The following ETV6 variants were observed in gnomAD, a reference collection of about 807,000 sequenced individuals.
ETV6 encodes transcription factor ETV6.
ETV6 carries 16 observed loss-of-function variants against 51.1 expected under a neutral mutation model. That is an observed-to-expected ratio of 0.31 (90% CI 0.21 to 0.48). The LOEUF (loss-of-function observed/expected upper bound fraction) is 0.48. Ranked by LOEUF, ETV6 falls within the 20% of genes least tolerant of loss-of-function variation. The probability of loss-of-function intolerance (pLI) is 0.99; values close to 1 mark genes in which losing one functional copy is unlikely to be tolerated. For synonymous variants in ETV6, 240 were observed against 224.1 expected (o/e 1.07, Z -0.64); for missense variants, 458 against 594.8 (o/e 0.77, Z 2.39).
At position 11,853,534 on chromosome 12, in the gene ETV6, G is replaced by A. The variant is rs2136491182; in HGVS notation, c.436G>A (p.Val146Ile). The A allele has an allele frequency of 6.2e-7, 1 of 1,614,218 alleles. No homozygotes were observed. The highest frequency in any genetic ancestry group is 8.5e-7 in the Non-Finnish European group (1 of 1,180,044). ...PGNSIHTQPE[V>I]ILHQNHEEDN... The stretch of plus-strand genomic sequence containing the variant: ...AAACTCTATACACACACAGCCGGAG[G>A]TCATACTGCATCAGAACCATGAAGA... Residue 146 changes from valine (V) to isoleucine (I), a missense_variant, in exon 4 of 8, where the codon GTC becomes ATC. Around this residue, in one of 4 missense-constraint regions of ETV6, gnomAD observed 293 missense variants for 315.7 expected, o/e 0.93. Coordinates refer to ENST00000396373, the MANE Select transcript of ETV6 (RefSeq NM_001987.5).
At chr12:11,879,743 A>C (rs1353599621) in intron 5 of ETV6, among the ~76,000 whole-genome samples, 1 of 152,238 alleles carries the variant, frequency 6.6e-6, no homozygotes, top group Non-Finnish European at 1.5e-5. Context: ...AAATTAATGA[A>C]TACCTTGTGA....
At chr12:11,809,037 C>T (rs1945871417) in intron 2 of ETV6, among the ~76,000 whole-genome samples, 2 of 152,066 alleles carry the variant, frequency 1.3e-5, no homozygotes, top group African/African-American at 4.8e-5. Flanking sequence ...TGATGGCACG[C>T]GCCTGTAGTC....
chr12:11,809,159 C>G (rs1270195957), intron 2 of ETV6, among the ~76,000 whole-genome samples: 1 of 104,280 alleles, frequency 9.6e-6, no homozygotes, highest in Non-Finnish European at 2.0e-5. Context: ...CAGGGAGACC[C>G]TGTGTCAAAA....
intron 1 of ETV6, among the ~76,000 whole-genome samples, chr12:11,683,280 G>A (rs1329315808): frequency 6.6e-6 from 1 of 152,194 alleles, no homozygotes; most frequent in Non-Finnish European, 1.5e-5. Context: ...CTGACCTCAA[G>A]TGATCCGCCA....
chr12:11,814,409 A>C (rs1192519705), intron 2 of ETV6, among the ~76,000 whole-genome samples: 2 of 152,208 alleles, frequency 1.3e-5, no homozygotes, highest in Non-Finnish European at 2.9e-5. Context: ...TCGATCTCAA[A>C]CCTGACAGGT....
intron 2 of ETV6, among the ~76,000 whole-genome samples, chr12:11,790,124 T>C (rs1385171177): frequency 6.6e-6 from 1 of 151,468 alleles, no homozygotes; most frequent in Admixed American, 6.6e-5. Context: ...TCTGATATCA[T>C]ACTTTTAATA....
chr12:11,675,041 G>C (rs956022008), intron 1 of ETV6, among the ~76,000 whole-genome samples: 1 of 152,224 alleles, frequency 6.6e-6, no homozygotes, highest in Non-Finnish European at 1.5e-5. Context: ...GACAGGCCTT[G>C]TCTTTTTGCA....
intron 1 of ETV6, among the ~76,000 whole-genome samples, chr12:11,741,572 T>TG (rs945967756): frequency 1.3e-5 from 2 of 152,034 alleles, no homozygotes; most frequent in South Asian, 2.1e-4. Context: ...GGGGTGGACA[T>TG]GGGGGGAGCT....
At chr12:11,786,737 C>G (rs928249481) in intron 2 of ETV6, among the ~76,000 whole-genome samples, 1 of 152,154 alleles carries the variant, frequency 6.6e-6, no homozygotes, top group African/African-American at 2.4e-5. Flanking sequence ...TACATTAATT[C>G]TTTGCATACA....
chr12:11,893,716 G>A lies in ETV6; in HGVS notation c.*2670G>A, dbSNP rs1340964955. On this transcript the variant is annotated 3_prime_UTR_variant, in exon 8 of 8. Coordinates refer to ENST00000396373, the MANE Select transcript of ETV6 (RefSeq NM_001987.5). ...TCAAATATCATAAAATTACCTTCAGGCTATGTGTATAAAGTATATATGAGC... is the reference window on the plus strand; with the variant it reads ...TCAAATATCATAAAATTACCTTCAGACTATGTGTATAAAGTATATATGAGC... 6 of 209,816 alleles carry A rather than the reference G, an allele frequency of 2.9e-5. No individual in the cohort carries two copies. In the East Asian group the frequency reaches 4.2e-4, roughly 15 times the overall value. 13.0% of individuals were successfully genotyped at this position (209,816 alleles called of 1,614,324 possible).
intron 1 of ETV6, among the ~76,000 whole-genome samples, chr12:11,691,425 A>C (rs1031000359): frequency 5.9e-5 from 9 of 152,092 alleles, no homozygotes; most frequent in African/African-American, 2.2e-4. Flanking sequence ...TATTATCTGA[A>C]CCCTGTATAC....
chr12:11,871,131 A>G (rs1946874626), intron 5 of ETV6, among the ~76,000 whole-genome samples: 1 of 151,522 alleles, frequency 6.6e-6, no homozygotes, highest in Non-Finnish European at 1.5e-5. Flanking sequence ...AGGTGCTGCC[A>G]TGCTGATGGC....
At chr12:11,779,775 T>C (rs1945384186) in intron 2 of ETV6, among the ~76,000 whole-genome samples, 1 of 152,130 alleles carries the variant, frequency 6.6e-6, no homozygotes, top group Non-Finnish European at 1.5e-5. Context: ...TATTAGAAAA[T>C]TGGTTGGTAT....
chr12:11,693,456 C>T (rs1163685691), intron 1 of ETV6, among the ~76,000 whole-genome samples: 1 of 152,190 alleles, frequency 6.6e-6, no homozygotes, highest in African/African-American at 2.4e-5. Context: ...CTCACTCTTT[C>T]CCTTGGTGGC....
intron 6 of ETV6, among the ~76,000 whole-genome samples, chr12:11,884,818 G>T (rs1237036377): frequency 2.6e-5 from 4 of 152,172 alleles, no homozygotes; most frequent in Non-Finnish European, 5.9e-5. Flanking sequence ...ATCCTGGTTT[G>T]CTGGGCTGCA....
chr12:11,767,609 T>C (rs1195171346), intron 2 of ETV6, among the ~76,000 whole-genome samples: 2 of 152,244 alleles, frequency 1.3e-5, no homozygotes, highest in East Asian at 3.8e-4. Context: ...CTGTTTAACC[T>C]TGATGAGCCT....
intron 3 of ETV6, among the ~76,000 whole-genome samples, chr12:11,839,658 T>A (rs897966692): frequency 6.6e-6 from 1 of 152,156 alleles, no homozygotes; most frequent in Non-Finnish European, 1.5e-5. Context: ...GGAGGGTGAA[T>A]TGCTTGAGCC....
At chr12:11,731,515 GTTATTC>G (rs1199720282) in intron 1 of ETV6, among the ~76,000 whole-genome samples, 3 of 151,884 alleles carry the variant, frequency 2.0e-5, no homozygotes, top group South Asian at 2.1e-4. Flanking sequence ...ATTTCCCACT[GTTATTC>G]TTAAGAAGAG....
At chr12:11,842,239 C>A (rs894005117) in intron 3 of ETV6, among the ~76,000 whole-genome samples, 1 of 152,164 alleles carries the variant, frequency 6.6e-6, no homozygotes, top group Non-Finnish European at 1.5e-5. Flanking sequence ...CCTCACATTT[C>A]AAACTGGTGG....
Sources: allele counts gnomAD v4.1 joint callset (sites outside exome capture counted in the v4.1 genomes callset), GRCh38; gene constraint gnomAD v4.1.1; regional missense constraint gnomAD v4.1.1; transcripts MANE v1.5; gene names NCBI Gene and HGNC (gene_info 2026-07-23, HGNC 2026-07-21).